The following HSPA4L variants were observed in gnomAD, a reference collection of about 807,000 sequenced individuals.
HSPA4L encodes the protein heat shock 70 kDa protein 4L.
In HSPA4L, 48 loss-of-function variants were observed where a neutral mutation model predicts 100.3. The observed-to-expected ratio is 0.48, with a 90% confidence interval of 0.38 to 0.61. The LOEUF (loss-of-function observed/expected upper bound fraction) is 0.61. Among genes scored for constraint, HSPA4L ranks in the 20% least tolerant of loss-of-function variants. The pLI is 0.00. For missense variants in HSPA4L, 886 were observed against 988.6 expected (o/e 0.90, Z 1.39); for synonymous variants, 319 against 328.2 (o/e 0.97, Z 0.30).
intron 17 of HSPA4L, among the ~76,000 whole-genome samples, chr4:127,829,889 A>G (rs1193117331): frequency 1.3e-5 from 2 of 152,108 alleles, no homozygotes; most frequent in Admixed American, 1.3e-4. Context: ...CGACCTAGAA[A>G]CTGAGTCAGA....
chr4:127,795,323 C>A (rs571002160), intron 2 of HSPA4L, among the ~76,000 whole-genome samples: 5 of 152,052 alleles, frequency 3.3e-5, no homozygotes, highest in Non-Finnish European at 7.4e-5. Flanking sequence ...ATCCAAAATG[C>A]TCCAAAATCT....
At chr4:127,808,376 A>G (rs540758559) in intron 11 of HSPA4L, among the ~76,000 whole-genome samples, 20 of 152,330 alleles carry the variant, frequency 1.3e-4, no homozygotes, top group Non-Finnish European at 2.9e-4. Flanking sequence ...AATATTAGGA[A>G]AAACAAGTGT....
intron 1 of HSPA4L, among the ~76,000 whole-genome samples, chr4:127,786,223 A>G (rs1457504389): frequency 6.6e-6 from 1 of 152,204 alleles, no homozygotes; most frequent in African/African-American, 2.4e-5. Context: ...CACTTGGCCA[A>G]AAATTAGTAA....
intron 2 of HSPA4L, 65 bp from the exon 3 acceptor site, chr4:127,795,703 C>G (rs1467256042): frequency 3.3e-6 from 5 of 1,515,596 alleles, no homozygotes; most frequent in Non-Finnish European, 4.5e-6. Context: ...TTGTCAAGTA[C>G]TAGGATAGAA....
chr4:127,839,090 A>G lies in HSPA4L; in HGVS notation c.*6216A>G, dbSNP rs960689116. The stretch of plus-strand genomic sequence containing the variant: ...ACAACATCCCTCATTTTTAATCCAA[A>G]TATCAATTTGACAGAATAACAAGGG... On this transcript the variant is annotated 3_prime_UTR_variant, in exon 19 of 19. Coordinates refer to ENST00000296464, the MANE Select transcript of HSPA4L (RefSeq NM_014278.4). 3.9e-5 allele frequency: 6 copies of G among 152,160 alleles called. No individual in the cohort carries two copies. Among genetic ancestry groups the G allele is most frequent in the African/African-American group, 1.4e-4 (6 of 41,438 alleles). The allele number at this position is 152,160 out of a possible 1,614,324, so 9.4% of individuals were successfully genotyped here.
Position 127,805,214 on chromosome 4 carries a change from G to A in HSPA4L, c.1127G>A (p.Cys376Tyr), listed in dbSNP as rs1733318465. 6.2e-7 allele frequency: 1 copy of A among 1,606,972 alleles called. No individual in the cohort carries two copies. Among genetic ancestry groups the A allele is most frequent in the Non-Finnish European group, 8.5e-7 (1 of 1,177,280 alleles). ...LNADEAVARG[C>Y]ALQCAILSPA... The stretch of plus-strand genomic sequence containing the variant: ...GCTGATGAAGCTGTTGCAAGAGGAT[G>A]TGCGTTACAGGTATAATTGTTATTT... Residue 376 changes from cysteine to tyrosine, a missense_variant, in exon 9 of 19, where the codon TGT becomes TAT. Cys to Tyr is a radical substitution (Grantham distance 194). Transcript: ENST00000296464.
chr4:127,799,683 G>T (rs1733120331), intron 4 of HSPA4L, among the ~76,000 whole-genome samples: 1 of 152,100 alleles, frequency 6.6e-6, no homozygotes. Flanking sequence ...TTCCTTGTGT[G>T]TCAGAAATTC....
Position 127,799,118 on chromosome 4 carries a change from G to A in HSPA4L, c.429+409G>A, listed in dbSNP as rs531631763. ...ATTCTTAACATTTAAATTATTTACC[G>A]TCTTATCTCTTGAGGTCCCATTAAA... On this transcript the variant is annotated intron_variant, in intron 4 of 18. Transcript: ENST00000296464. 7.9e-5 allele frequency among the ~76,000 whole-genome samples: 12 copies of A among 152,124 alleles called. 1 individual carries two copies. Among genetic ancestry groups the A allele is most frequent in the African/African-American group, 1.4e-4 (6 of 41,514 alleles).
At chr4:127,814,533 A>G (rs1733622257) in intron 12 of HSPA4L, among the ~76,000 whole-genome samples, 1 of 152,096 alleles carries the variant, frequency 6.6e-6, no homozygotes, top group Non-Finnish European at 1.5e-5. Flanking sequence ...AAAAGCGATG[A>G]TGCTGAATAC....
chr4:127,810,388 C>T (rs1366317041), intron 11 of HSPA4L, among the ~76,000 whole-genome samples: 1 of 152,164 alleles, frequency 6.6e-6, no homozygotes, highest in East Asian at 1.9e-4. Flanking sequence ...CAAAGTACCA[C>T]AAGCTAGGTG....
At chr4:127,787,557 T>C (rs914849579) in intron 1 of HSPA4L, among the ~76,000 whole-genome samples, 1 of 152,198 alleles carries the variant, frequency 6.6e-6, no homozygotes, top group African/African-American at 2.4e-5. Context: ...TACATTACAT[T>C]CTGCTTTCAT....
At chr4:127,781,830 T>G (rs1231733312), upstream of HSPA4L, 1 of 264,822 alleles carries the variant, frequency 3.8e-6, no homozygotes, top group East Asian at 1.5e-4. Flanking sequence ...CATGGGCCCC[T>G]CGGGGAGGCG....
rs1159675434 is a variant in HSPA4L at position 127,830,896 on chromosome 4, TAGAAC to T, written c.2328+102_2328+106del. 3.2e-5 allele frequency: 24 copies of T among 748,186 alleles called. No homozygotes were observed. In the South Asian group the frequency reaches 8.4e-4, roughly 26 times the overall value. The allele number at this position is 748,186 out of a possible 1,614,324, so 46.3% of individuals were successfully genotyped here. A position where few individuals can be genotyped will look rare whatever the true frequency, so the allele number is the denominator to read the frequency against. Reference sequence around the variant, plus strand: ...CAAATAATCAACTTGCAGAAGAACTTAGAACAGAAATTTAAGACTAATTTTTTATT... The same window carrying T: ...CAAATAATCAACTTGCAGAAGAACTTAGAAATTTAAGACTAATTTTTTATT... On this transcript the variant is annotated intron_variant, in intron 18 of 18. Coordinates refer to ENST00000296464, the MANE Select transcript of HSPA4L (RefSeq NM_014278.4).
chr4:127,815,958 G>A (rs1210842381), intron 12 of HSPA4L, among the ~76,000 whole-genome samples: 2 of 152,118 alleles, frequency 1.3e-5, no homozygotes, highest in Non-Finnish European at 2.9e-5. Context: ...AAATAGAAAG[G>A]CACTGAGACA....
chr4:127,829,574 T>C (rs910244056), intron 17 of HSPA4L, among the ~76,000 whole-genome samples: 26 of 152,098 alleles, frequency 1.7e-4, no homozygotes, highest in Admixed American at 4.6e-4. Context: ...GATGTAAATC[T>C]ATCACAAAGA....
At chr4:127,828,176 T>C (rs546660625) in intron 17 of HSPA4L, among the ~76,000 whole-genome samples, 36 of 152,236 alleles carry the variant, frequency 2.4e-4, no homozygotes, top group African/African-American at 8.4e-4. Context: ...AAAAACTTTA[T>C]TTAAAAAATC....
At chr4:127,802,028 C>A in intron 6 of HSPA4L, 110 bp downstream of exon 6, 1 of 735,092 alleles carries the variant, frequency 1.4e-6, no homozygotes, top group Non-Finnish European at 2.1e-6. Flanking sequence ...TGACCTCAAG[C>A]AAGTTACTTA....
intron 12 of HSPA4L, among the ~76,000 whole-genome samples, chr4:127,815,759 G>A (rs933744683): frequency 6.6e-6 from 1 of 152,140 alleles, no homozygotes; most frequent in Non-Finnish European, 1.5e-5. Context: ...AGTCTAGTGG[G>A]AGAGGACAGG....
rs537267036 is a variant in HSPA4L at position 127,823,236 on chromosome 4, C to T, written c.1939-281C>T. Among the ~76,000 whole-genome samples the T allele has an allele frequency of 3.5e-4, 54 of 152,262 alleles. No individual in the cohort carries two copies. In the South Asian group the frequency reaches 0.011, roughly 32 times the overall value. On this transcript the variant is annotated intron_variant, in intron 15 of 18. Coordinates refer to ENST00000296464, the MANE Select transcript of HSPA4L (RefSeq NM_014278.4). ...CGATTTCAGCTCACTGCAACTTCTACTTCCCGGGCTCAAGCAGTCCTCTCA... is the reference window on the plus strand; with the variant it reads ...CGATTTCAGCTCACTGCAACTTCTATTTCCCGGGCTCAAGCAGTCCTCTCA...
Sources: allele counts gnomAD v4.1 joint callset (sites outside exome capture counted in the v4.1 genomes callset), GRCh38; gene constraint gnomAD v4.1.1; transcripts MANE v1.5; gene names NCBI Gene and HGNC (gene_info 2026-07-23, HGNC 2026-07-21).